Variants in ATP8B4 observed in about 807,000 individuals in gnomAD.
ATP8B4 encodes ATPase phospholipid transporting 8B4 (putative), also known as probable phospholipid-transporting ATPase IM.
A neutral mutation model predicts 145.6 loss-of-function variants in ATP8B4; 133 were observed. The observed-to-expected ratio is 0.91, with a 90% CI of 0.79 to 1.05. The LOEUF (loss-of-function observed/expected upper bound fraction) is 1.05, where lower values mean the gene tolerates loss of function less well. ATP8B4 is among the 50% of genes least tolerant of loss of function. ATP8B4 has a pLI of 0.00. For synonymous variants in ATP8B4, 507 were observed against 492.9 expected (o/e 1.03, Z -0.38); for missense variants, 1,458 against 1,425.2 (o/e 1.02, Z -0.37).
intron 14 of ATP8B4, 132 bp downstream of exon 14, chr15:49,961,845 A>AT (rs1192023373): frequency 6.0e-5 from 43 of 715,818 alleles, no homozygotes; most frequent in Non-Finnish European, 8.3e-5. Context: ...ATATTAATCT[A>AT]TTTTTTAATG....
At chr15:50,007,996 T>TA (rs2048439882) in intron 7 of ATP8B4, among the ~76,000 whole-genome samples, 2 of 152,198 alleles carry the variant, frequency 1.3e-5, no homozygotes, top group South Asian at 4.1e-4. Flanking sequence ...ACAATGGAGA[T>TA]AAAAATATCT....
At chr15:50,084,764 C>T (rs1016023304) in intron 2 of ATP8B4, among the ~76,000 whole-genome samples, 6 of 152,126 alleles carry the variant, frequency 3.9e-5, no homozygotes, top group African/African-American at 4.8e-5. Flanking sequence ...AAGCTGCCCA[C>T]GTCCCTTGGC....
intron 2 of ATP8B4, among the ~76,000 whole-genome samples, chr15:50,086,182 TA>T (rs1415852470): frequency 1.9e-5 from 2 of 107,568 alleles, no homozygotes; most frequent in African/African-American, 8.9e-5. Flanking sequence ...TAGAGATCTA[TA>T]TTTATTATAT....
At chr15:49,887,420 T>C (rs2036322244) in intron 23 of ATP8B4, among the ~76,000 whole-genome samples, 1 of 151,290 alleles carries the variant, frequency 6.6e-6, no homozygotes, top group Non-Finnish European at 1.5e-5. Flanking sequence ...TGAGGGATGA[T>C]GACTCTTTTC....
At chr15:49,978,521 G>A (rs764283177) in intron 12 of ATP8B4, among the ~76,000 whole-genome samples, 3 of 152,036 alleles carry the variant, frequency 2.0e-5, no homozygotes, top group Non-Finnish European at 4.4e-5. Flanking sequence ...TCATAGCTAG[G>A]TTTTTGAAGA....
At chr15:50,002,359 T>C (rs1447951168) in intron 7 of ATP8B4, 136 bp from the exon 8 acceptor site, 3 of 660,712 alleles carry the variant, frequency 4.5e-6, no homozygotes, top group African/African-American at 3.7e-5. Context: ...GATCCTGTTC[T>C]ACCTCTATGT....
intron 14 of ATP8B4, among the ~76,000 whole-genome samples, chr15:49,949,210 CA>C (rs2042845874): frequency 6.6e-6 from 1 of 152,102 alleles, no homozygotes; most frequent in African/African-American, 2.4e-5. Flanking sequence ...TGAAGAATGA[CA>C]ATGGTAGTTT....
chr15:50,118,922 C>A (rs1258198291), intron 1 of ATP8B4, among the ~76,000 whole-genome samples: 1 of 152,122 alleles, frequency 6.6e-6, no homozygotes, highest in African/African-American at 2.4e-5. Context: ...AATGTCACAT[C>A]TCCCATTTCC....
At chr15:50,137,397 C>T (rs974907072) in intron 1 of ATP8B4, among the ~76,000 whole-genome samples, 3 of 152,210 alleles carry the variant, frequency 2.0e-5, no homozygotes, top group Non-Finnish European at 4.4e-5. Context: ...GACATCTTTC[C>T]ATGCAGTCCT....
At chr15:50,045,995 T>C (rs574754704) in intron 4 of ATP8B4, among the ~76,000 whole-genome samples, 4 of 152,238 alleles carry the variant, frequency 2.6e-5, no homozygotes, top group Non-Finnish European at 5.9e-5. Flanking sequence ...GTTTTTGTTT[T>C]CCTGATCAGC....
intron 14 of ATP8B4, among the ~76,000 whole-genome samples, chr15:49,955,899 T>A (rs1273853219): frequency 6.6e-6 from 1 of 152,134 alleles, no homozygotes; most frequent in Non-Finnish European, 1.5e-5. Flanking sequence ...GTGAAATTAG[T>A]ATAGAGTTTC....
At chr15:49,939,877 G>T (rs2042027614) in intron 14 of ATP8B4, among the ~76,000 whole-genome samples, 1 of 152,062 alleles carries the variant, frequency 6.6e-6, no homozygotes, top group Non-Finnish European at 1.5e-5. Flanking sequence ...AGTCAGAATG[G>T]CATTAGAAAG....
At chr15:50,180,983 G>A (rs2044838818) in intron 1 of ATP8B4, among the ~76,000 whole-genome samples, 1 of 152,232 alleles carries the variant, frequency 6.6e-6, no homozygotes, top group East Asian at 1.9e-4. Context: ...TAGTTACTAA[G>A]AATAAGCTAA....
intron 14 of ATP8B4, among the ~76,000 whole-genome samples, chr15:49,940,757 G>C (rs898394370): frequency 1.4e-4 from 22 of 152,066 alleles, no homozygotes; most frequent in African/African-American, 5.3e-4. Flanking sequence ...AATTACTAAG[G>C]CTTCTTTCCT....
chr15:49,927,134 A>G (rs2040796925), intron 16 of ATP8B4, among the ~76,000 whole-genome samples: 1 of 152,032 alleles, frequency 6.6e-6, no homozygotes, highest in African/African-American at 2.4e-5. Flanking sequence ...TGTCATTTAT[A>G]TTTTTTACTA....
upstream of ATP8B4, among the ~76,000 whole-genome samples, chr15:50,122,385 T>C (rs952845026): frequency 6.6e-6 from 1 of 152,222 alleles, no homozygotes; most frequent in African/African-American, 2.4e-5. Flanking sequence ...TTCTGCAATT[T>C]AAGTCTCTGA....
At chr15:49,929,153 G>C (rs1039485602) in intron 16 of ATP8B4, among the ~76,000 whole-genome samples, 1 of 152,050 alleles carries the variant, frequency 6.6e-6, no homozygotes, top group Non-Finnish European at 1.5e-5. Flanking sequence ...AAAAGTGAGT[G>C]AGCTATAATA....
intron 5 of ATP8B4, among the ~76,000 whole-genome samples, chr15:50,041,411 T>C (rs2051273330): frequency 6.6e-6 from 1 of 152,202 alleles, no homozygotes; most frequent in African/African-American, 2.4e-5. Flanking sequence ...AGAAAGCATG[T>C]CTGGTTGATA....
At chr15:49,994,367 C>T (rs2047257137) in intron 9 of ATP8B4, among the ~76,000 whole-genome samples, 1 of 152,066 alleles carries the variant, frequency 6.6e-6, no homozygotes, top group African/African-American at 2.4e-5. Flanking sequence ...TTTGCCCTCC[C>T]ATGTCTTTTT....
Sources: allele counts gnomAD v4.1 joint callset (sites outside exome capture counted in the v4.1 genomes callset), GRCh38; gene constraint gnomAD v4.1.1; transcripts MANE v1.5; gene names NCBI Gene and HGNC (gene_info 2026-07-23, HGNC 2026-07-21).